The following IFFO2 variants were observed in gnomAD, a reference collection of about 807,000 sequenced individuals.
The protein encoded by IFFO2 is intermediate filament family orphan 2.
A neutral mutation model predicts 53.5 loss-of-function variants in IFFO2; 19 were observed. The observed-to-expected ratio is 0.36, with a 90% CI of 0.25 to 0.52. The LOEUF (loss-of-function observed/expected upper bound fraction) is 0.52, where lower values mean the gene tolerates loss of function less well. IFFO2 is among the 20% of genes least tolerant of loss of function. The pLI is 0.94. For synonymous variants in IFFO2, 303 were observed against 313.6 expected, an observed-to-expected ratio of 0.97 and a Z score of 0.36; for missense variants, 570 against 727.4, an observed-to-expected ratio of 0.78 and a Z score of 2.49.
rs1394794369 is a variant in IFFO2 at position 18,904,510 on chromosome 1, T to A, written c.*4051A>T. 1.3e-5 allele frequency: 2 copies of A among 151,908 alleles called. No homozygotes were observed. The highest frequency in any genetic ancestry group is 2.9e-5 in the Non-Finnish European group (2 of 67,988). 9.4% of individuals were successfully genotyped at this position (151,908 alleles called of 1,614,324 possible). A position where few individuals can be genotyped will look rare whatever the true frequency, so the allele number is the denominator to read the frequency against. Reference sequence around the variant, plus strand: ...TCCCTGGGTGGGGCTAAAAATCAGGTAGATGCAAAAACATCCACAAGGGGT... The same window carrying A: ...TCCCTGGGTGGGGCTAAAAATCAGGAAGATGCAAAAACATCCACAAGGGGT... On this transcript the variant is annotated 3_prime_UTR_variant, in exon 9 of 9. Coordinates refer to ENST00000455833, the MANE Select transcript of IFFO2 (RefSeq NM_001136265.2).
At position 18,928,244 on chromosome 1, in the gene IFFO2, C is replaced by T. The variant is rs944783198; in HGVS notation, c.666-7123G>A. On this transcript the variant is annotated intron_variant, in intron 1 of 8. Coordinates refer to ENST00000455833, the MANE Select transcript of IFFO2 (RefSeq NM_001136265.2). This position sits in a 1 kb window ranked among gnomAD's most constrained non-coding sequence, Gnocchi z 4.9. Reference sequence around the variant, plus strand: ...CCACCTCTTGTGGCCTCCCGGCTCCCATCTCCATGGAGCCCCTGATCCCAA... The same window carrying T: ...CCACCTCTTGTGGCCTCCCGGCTCCTATCTCCATGGAGCCCCTGATCCCAA... Among the ~76,000 whole-genome samples, 6 of 152,190 alleles carry T rather than the reference C, an allele frequency of 3.9e-5. No homozygotes were observed. The highest frequency in any genetic ancestry group is 1.4e-4 in the African/African-American group (6 of 41,442).
chr1:18,908,533 GACC>G lies in IFFO2; in HGVS notation c.*25_*27del, dbSNP rs1935985356. ...AGAGGTGGCAGGGCCCCATCACCAAGACCACCAGGCTCGCAGGGCCTCAGTCAT... is the reference window on the plus strand; with the variant it reads ...AGAGGTGGCAGGGCCCCATCACCAAGACCAGGCTCGCAGGGCCTCAGTCAT... On this transcript the variant is annotated 3_prime_UTR_variant, in exon 9 of 9. Coordinates refer to ENST00000455833, the MANE Select transcript of IFFO2 (RefSeq NM_001136265.2). The G allele has an allele frequency of 2.6e-6, 4 of 1,513,302 alleles. No individual in the cohort carries two copies. Among genetic ancestry groups the G allele is most frequent in the Non-Finnish European group, 3.6e-6 (4 of 1,111,986 alleles). The allele number at this position is 1,513,302 out of a possible 1,614,324, so 93.7% of individuals were successfully genotyped here. A position where few individuals can be genotyped will look rare whatever the true frequency, so the allele number is the denominator to read the frequency against.
At chr1:18,912,209 G>A in intron 5 of IFFO2, 126 bp from the exon 6 acceptor site, 2 of 1,144,132 alleles carry the variant, frequency 1.7e-6, no homozygotes, top group Admixed American at 5.1e-5. Context: ...GAAAGACAGG[G>A]GTAGTAAGCC....
chr1:18,931,844 C>A (rs1230343178), intron 1 of IFFO2, among the ~76,000 whole-genome samples: 1 of 152,212 alleles, frequency 6.6e-6, no homozygotes, highest in Admixed American at 6.5e-5. Flanking sequence ...CTGCCCACAC[C>A]CCCAGCACAT....
At chr1:18,932,445 C>T (rs1002412502) in intron 1 of IFFO2, among the ~76,000 whole-genome samples, 1 of 152,220 alleles carries the variant, frequency 6.6e-6, no homozygotes, top group Non-Finnish European at 1.5e-5. Flanking sequence ...CCTGACCCCC[C>T]CAGACTGGGA....
intron 1 of IFFO2, among the ~76,000 whole-genome samples, chr1:18,927,910 T>A (rs1210130807): frequency 6.6e-6 from 1 of 151,808 alleles, no homozygotes; most frequent in Non-Finnish European, 1.5e-5. Flanking sequence ...TTGCACACCA[T>A]CCCCCTCGAA....
At position 18,918,953 on chromosome 1, in the gene IFFO2, A is replaced by C. The variant is rs961142794; in HGVS notation, c.823-451T>G. On this transcript the variant is annotated intron_variant, in intron 3 of 8. Transcript: ENST00000455833. This position sits in a 1 kb window ranked among gnomAD's most constrained non-coding sequence, Gnocchi z 5.2. ...GACCACAGGGTTGATCCCCTTGGAC[A>C]CAAGTGAGAGGGAGCCCAGTGGCCT... is the stretch of plus-strand genomic sequence containing the variant. Among the ~76,000 whole-genome samples the C allele has an allele frequency of 2.0e-5, 3 of 152,082 alleles. No homozygotes were observed. The highest frequency in any genetic ancestry group is 7.2e-5 in the African/African-American group (3 of 41,408).
chr1:18,937,301 G>A (rs2148182920), intron 1 of IFFO2, among the ~76,000 whole-genome samples: 1 of 152,350 alleles, frequency 6.6e-6, no homozygotes, highest in East Asian at 1.9e-4. Context: ...CTGGGAAGGG[G>A]CAGGTTCCAG....
At chr1:18,950,080 G>A (rs778257154) in intron 1 of IFFO2, among the ~76,000 whole-genome samples, 8 of 152,198 alleles carry the variant, frequency 5.3e-5, no homozygotes, top group Non-Finnish European at 8.8e-5. Context: ...CTAGATGGAG[G>A]GGTTTGTGTG....
intron 1 of IFFO2, among the ~76,000 whole-genome samples, chr1:18,946,409 CTTTTTTT>C (rs71577809): frequency 4.1e-5 from 4 of 96,512 alleles, no homozygotes; most frequent in East Asian, 6.2e-4. Flanking sequence ...TTGCCACTTT[CTTTTTTT>C]TTTTTTTTTT....
chr1:18,915,940 C>T (rs56204821), intron 5 of IFFO2, among the ~76,000 whole-genome samples: 27,585 of 151,924 alleles, frequency 0.18, 2,619 homozygotes, highest in Middle Eastern at 0.2. Flanking sequence ...GCCTGGCCAA[C>T]GTGGTAAAAC....
intron 1 of IFFO2, among the ~76,000 whole-genome samples, chr1:18,948,144 C>G (rs1936613381): frequency 6.6e-6 from 1 of 152,174 alleles, no homozygotes; most frequent in Admixed American, 6.5e-5. Context: ...AGTAGGTGCT[C>G]AATAAACGGA....
In IFFO2 at chr1:18,947,068, A is replaced by G. The variant is rs1936599227; in HGVS notation, c.665+8600T>C. 6.6e-6 allele frequency among the ~76,000 whole-genome samples: 1 copy of G among 152,054 alleles called. No individual in the cohort carries two copies. The highest frequency in any genetic ancestry group is 6.5e-5 in the Admixed American group (1 of 15,278). On this transcript the variant is annotated intron_variant, in intron 1 of 8. Transcript: ENST00000455833. This position sits in a 1 kb window ranked among gnomAD's most constrained non-coding sequence, Gnocchi z 5.0. ...GTTCTCGAGGGCAGGGGCCTGGCCC[A>G]CGGTGGGTACTCAGCCACTGTTCTG...
Position 18,917,475 on chromosome 1 carries a change from G to T in IFFO2, c.964-433C>A, listed in dbSNP as rs114454865. On this transcript the variant is annotated intron_variant, in intron 4 of 8. Coordinates refer to ENST00000455833, the MANE Select transcript of IFFO2 (RefSeq NM_001136265.2). This position sits in a 1 kb window ranked among gnomAD's most constrained non-coding sequence, Gnocchi z 5.9. ...TCACATGCAAAGGCAAAGGACAGACGGCCCAAGGTTCACCGAAAGCTTCCA... is the reference window on the plus strand; with the variant it reads ...TCACATGCAAAGGCAAAGGACAGACTGCCCAAGGTTCACCGAAAGCTTCCA... Among the ~76,000 whole-genome samples the T allele has an allele frequency of 7.4e-3, 1,133 of 152,200 alleles. 13 individuals carry two copies. The highest frequency in any genetic ancestry group is 0.026 in the African/African-American group (1,075 of 41,522).
At chr1:18,921,431 T>C (rs1936214697) in intron 1 of IFFO2, among the ~76,000 whole-genome samples, 1 of 152,236 alleles carries the variant, frequency 6.6e-6, no homozygotes, top group South Asian at 2.1e-4. Flanking sequence ...AACTGTAAAG[T>C]GCTGTGCAAG....
At position 18,947,609 on chromosome 1, in the gene IFFO2, A is replaced by G. The variant is rs1936606942; in HGVS notation, c.665+8059T>C. Among the ~76,000 whole-genome samples the G allele has an allele frequency of 6.6e-6, 1 of 151,922 alleles. No individual in the cohort carries two copies. The highest frequency in any genetic ancestry group is 6.6e-5 in the Admixed American group (1 of 15,256). On this transcript the variant is annotated intron_variant, in intron 1 of 8. Transcript: ENST00000455833. This position sits in a 1 kb window ranked among gnomAD's most constrained non-coding sequence, Gnocchi z 5.0. ...GTTTAAATGAGACCGCGTGGAAATCACCAGACGGGTCATAATATGTGTTCC... is the reference window on the plus strand; with the variant it reads ...GTTTAAATGAGACCGCGTGGAAATCGCCAGACGGGTCATAATATGTGTTCC...
Position 18,928,616 on chromosome 1 carries a change from G to A in IFFO2, c.666-7495C>T, listed in dbSNP as rs2148176246. 6.6e-6 allele frequency among the ~76,000 whole-genome samples: 1 copy of A among 152,328 alleles called. No homozygotes were observed. The highest frequency in any genetic ancestry group is 2.1e-4 in the South Asian group (1 of 4,822). ...CAGCGTGCCAGGTCTGCGCAAGGCTGCTCAGGGGAGAGGCAGAGGGGTCTG... is the reference window on the plus strand; with the variant it reads ...CAGCGTGCCAGGTCTGCGCAAGGCTACTCAGGGGAGAGGCAGAGGGGTCTG... On this transcript the variant is annotated intron_variant, in intron 1 of 8. Transcript: ENST00000455833. This position sits in a 1 kb window ranked among gnomAD's most constrained non-coding sequence, Gnocchi z 4.9.
In IFFO2 at chr1:18,919,065, C is replaced by T. The variant is rs1004690609; in HGVS notation, c.823-563G>A. ...GAGCCATGCCAGGCTCAGTCACCCA[C>T]GTTCTGGCCCCTTCTGCCTTCTGGT... On this transcript the variant is annotated intron_variant, in intron 3 of 8. Coordinates refer to ENST00000455833, the MANE Select transcript of IFFO2 (RefSeq NM_001136265.2). This position sits in a 1 kb window ranked among gnomAD's most constrained non-coding sequence, Gnocchi z 4.9. Among the ~76,000 whole-genome samples, 7 of 152,142 alleles carry T rather than the reference C, an allele frequency of 4.6e-5. No individual in the cohort carries two copies. Among genetic ancestry groups the T allele is most frequent in the Admixed American group, 1.3e-4 (2 of 15,284 alleles).
chr1:18,934,361 C>T lies in IFFO2; in HGVS notation c.666-13240G>A, dbSNP rs945726089. Among the ~76,000 whole-genome samples the T allele has an allele frequency of 2.0e-5, 3 of 152,132 alleles. No individual in the cohort carries two copies. The East Asian group carries it at 5.8e-4, about 29-fold the overall frequency. On this transcript the variant is annotated intron_variant, in intron 1 of 8. Coordinates refer to ENST00000455833, the MANE Select transcript of IFFO2 (RefSeq NM_001136265.2). ...TATTGAGATGACAGGTGTGAGCCAC[C>T]GCGCCCAGCCTGGCTGATTTCATTT...
Sources: gnomAD v4.1 joint callset for allele counts (sites outside exome capture counted in the v4.1 genomes callset) on GRCh38, gnomAD v4.1.1 for gene constraint, Gnocchi (gnomAD v3.1) non-coding constraint, MANE v1.5 for transcripts, NCBI Gene and HGNC (gene_info 2026-07-23, HGNC 2026-07-21) for gene names.